Variants in PTPRT observed in about 807,000 individuals in gnomAD.
PTPRT encodes the protein receptor-type tyrosine-protein phosphatase T.
In PTPRT, 56 loss-of-function variants were observed where a neutral mutation model predicts 176.8. The observed-to-expected ratio is 0.32, with a 90% CI of 0.26 to 0.40. The LOEUF (loss-of-function observed/expected upper bound fraction) is 0.40, where lower values mean the gene tolerates loss of function less well. Among genes scored for constraint, PTPRT ranks in the 10% least tolerant of loss-of-function variants. PTPRT has a pLI of 1.00. For missense variants in PTPRT, 1,540 were observed against 1,908.2 expected, an observed-to-expected ratio of 0.81 and a Z score of 3.60; for synonymous variants, 783 against 739.0, an observed-to-expected ratio of 1.06 and a Z score of -0.96.
At chr20:42,980,945 G>A (rs62204033) in intron 1 of PTPRT, among the ~76,000 whole-genome samples, 1 of 152,128 alleles carries the variant, frequency 6.6e-6, no homozygotes, top group African/African-American at 2.4e-5. Context: ...CCAGTCTGCG[G>A]AAGAGTGGGA....
chr20:43,160,011 A>T lies in PTPRT; in HGVS notation c.88+29635T>A, dbSNP rs1177748833. Among the ~76,000 whole-genome samples the T allele has an allele frequency of 1.6e-4, 25 of 152,116 alleles. No homozygotes were observed. The South Asian group carries it at 5.2e-3, about 32-fold the overall frequency. On this transcript the variant is annotated intron_variant, in intron 1 of 30. Coordinates refer to ENST00000373187, the MANE Select transcript of PTPRT (RefSeq NM_007050.6). Reference sequence around the variant, plus strand: ...TTCTTACTTCCCCCTGCAAAAAAAAAAAAAAGAAAGAAAAAGAAAAAGACC... The same window carrying T: ...TTCTTACTTCCCCCTGCAAAAAAAATAAAAAGAAAGAAAAAGAAAAAGACC...
At position 42,076,838 on chromosome 20, in the gene PTPRT, T is replaced by TG. The variant is rs1489546917; in HGVS notation, c.*4040dup. The stretch of plus-strand genomic sequence containing the variant: ...ATTGTGAACGTAAAACATGAGACTA[T>TG]GAAGGAATTTTAAGCTTACTGTTGT... On this transcript the variant is annotated 3_prime_UTR_variant, in exon 31 of 31. Transcript: ENST00000373187. 5.0e-6 allele frequency: 1 copy of TG among 201,908 alleles called. No individual in the cohort carries two copies. The allele number at this position is 201,908 out of a possible 1,614,324, so 12.5% of individuals were successfully genotyped here.
intron 7 of PTPRT, among the ~76,000 whole-genome samples, chr20:42,670,971 G>A (rs1048392361): frequency 1.3e-5 from 2 of 152,086 alleles, no homozygotes; most frequent in Non-Finnish European, 2.9e-5. Flanking sequence ...CTATTTGAGG[G>A]TAACAATGAG....
chr20:42,657,578 A>T (rs916447592), intron 7 of PTPRT, among the ~76,000 whole-genome samples: 1 of 152,118 alleles, frequency 6.6e-6, no homozygotes, highest in Non-Finnish European at 1.5e-5. Flanking sequence ...TGGGGGGGAA[A>T]AATCTGTGCT....
chr20:42,974,982 C>G (rs1982859826), intron 1 of PTPRT, among the ~76,000 whole-genome samples: 1 of 152,082 alleles, frequency 6.6e-6, no homozygotes. Flanking sequence ...TAAAAAATAA[C>G]TAGAATGCAT....
intron 17 of PTPRT, among the ~76,000 whole-genome samples, chr20:42,159,492 G>A (rs1490385636): frequency 6.6e-6 from 1 of 151,408 alleles, no homozygotes; most frequent in Non-Finnish European, 1.5e-5. Context: ...TGTTCAACAA[G>A]CAGGTCTGCA....
intron 1 of PTPRT, among the ~76,000 whole-genome samples, chr20:42,944,230 G>A (rs191498175): frequency 1.2e-3 from 189 of 152,068 alleles, no homozygotes; most frequent in Non-Finnish European, 1.8e-3. Context: ...TTTTAGAGCC[G>A]GGGGGCGGAA....
chr20:42,683,629 A>G (rs963472734), intron 6 of PTPRT, among the ~76,000 whole-genome samples: 2 of 152,214 alleles, frequency 1.3e-5, no homozygotes, highest in African/African-American at 4.8e-5. Context: ...AAACTGCTTC[A>G]TGACGACTTA....
chr20:42,850,672 A>G (rs775979180), intron 2 of PTPRT, among the ~76,000 whole-genome samples: 1 of 152,174 alleles, frequency 6.6e-6, no homozygotes, highest in Non-Finnish European at 1.5e-5. Flanking sequence ...TTCCTTTGTG[A>G]GGCCAGCTGC....
intron 16 of PTPRT, among the ~76,000 whole-genome samples, chr20:42,185,397 T>G (rs934309712): frequency 6.6e-6 from 1 of 152,196 alleles, no homozygotes; most frequent in Admixed American, 6.5e-5. Context: ...CCTATTCCTA[T>G]GATTGAAGGA....
chr20:42,966,835 C>T (rs1455720619), intron 1 of PTPRT, among the ~76,000 whole-genome samples: 3 of 152,220 alleles, frequency 2.0e-5, no homozygotes, highest in Non-Finnish European at 2.9e-5. Flanking sequence ...TCAGAAAATA[C>T]ATTTTCCTTA....
At chr20:42,945,211 G>T (rs1600581457) in intron 1 of PTPRT, among the ~76,000 whole-genome samples, 1 of 151,768 alleles carries the variant, frequency 6.6e-6, no homozygotes, top group East Asian at 1.9e-4. Flanking sequence ...ATGTATGTAT[G>T]TATTTATCTA....
At position 43,005,743 on chromosome 20, in the gene PTPRT, T is replaced by C. The variant is rs183369518; in HGVS notation, c.89-119811A>G. On this transcript the variant is annotated intron_variant, in intron 1 of 30. Coordinates refer to ENST00000373187, the MANE Select transcript of PTPRT (RefSeq NM_007050.6). ...CATTCAAATTCTGGTAAATGAATAA[T>C]TGAATGTGAACACAATTTGGACAGC... 2.4e-3 allele frequency among the ~76,000 whole-genome samples: 363 copies of C among 152,356 alleles called. 2 individuals carry two copies. Among genetic ancestry groups the C allele is most frequent in the Non-Finnish European group, 4.2e-3 (285 of 68,036 alleles).
At chr20:43,062,188 G>C (rs1180148018) in intron 1 of PTPRT, among the ~76,000 whole-genome samples, 1 of 152,116 alleles carries the variant, frequency 6.6e-6, no homozygotes, top group Non-Finnish European at 1.5e-5. Context: ...TATGCACATT[G>C]GTCAAAACCA....
At chr20:42,999,741 TA>T (rs1984445973) in intron 1 of PTPRT, among the ~76,000 whole-genome samples, 1 of 152,096 alleles carries the variant, frequency 6.6e-6, no homozygotes, top group South Asian at 2.1e-4. Flanking sequence ...CAGGAATTTG[TA>T]GCTGCAGTGA....
intron 15 of PTPRT, among the ~76,000 whole-genome samples, chr20:42,233,817 C>T (rs2056184116): frequency 6.6e-6 from 1 of 152,226 alleles, no homozygotes. Context: ...CTGCATCCCA[C>T]TGCTGGTATG....
intron 2 of PTPRT, among the ~76,000 whole-genome samples, chr20:42,824,458 T>C (rs1469050915): frequency 6.6e-6 from 1 of 151,996 alleles, no homozygotes. Flanking sequence ...AGAACATCAA[T>C]AGACCATATA....
intron 1 of PTPRT, among the ~76,000 whole-genome samples, chr20:43,039,124 T>G (rs1374417853): frequency 6.6e-6 from 1 of 152,176 alleles, no homozygotes; most frequent in Non-Finnish European, 1.5e-5. Flanking sequence ...CAAAAATGCC[T>G]GGGAAACTTT....
chr20:43,104,912 C>T (rs945920781), intron 1 of PTPRT, among the ~76,000 whole-genome samples: 3 of 152,154 alleles, frequency 2.0e-5, no homozygotes, highest in African/African-American at 7.2e-5. Flanking sequence ...TAATTACAAC[C>T]TATCTCAAAT....
Sources: allele counts gnomAD v4.1 joint callset (sites outside exome capture counted in the v4.1 genomes callset), GRCh38; gene constraint gnomAD v4.1.1; transcripts MANE v1.5; gene names NCBI Gene and HGNC (gene_info 2026-07-23, HGNC 2026-07-21).